Variants in SLC6A9 observed in about 807,000 individuals in gnomAD.
The protein encoded by SLC6A9 is solute carrier family 6 member 9.
Under a neutral mutation model 70.9 loss-of-function variants are expected in SLC6A9, and 31 were observed. That is an observed-to-expected ratio of 0.44 (90% CI 0.33 to 0.59). The LOEUF (loss-of-function observed/expected upper bound fraction) is 0.59, where lower values mean the gene tolerates loss of function less well. SLC6A9 is among the 20% of genes least tolerant of loss of function. The pLI is 0.04. For missense variants in SLC6A9, 631 were observed against 845.2 expected (o/e 0.75, Z 3.14); for synonymous variants, 310 against 341.3 (o/e 0.91, Z 1.01).
chr1:44,029,415 C>G (rs2087050236), intron 1 of SLC6A9, among the ~76,000 whole-genome samples: 1 of 152,206 alleles, frequency 6.6e-6, no homozygotes, highest in African/African-American at 2.4e-5. Context: ...CATCTGCCGC[C>G]ACGTGAGACT....
At chr1:44,029,463 G>T (rs1358503927) in intron 1 of SLC6A9, among the ~76,000 whole-genome samples, 2 of 152,150 alleles carry the variant, frequency 1.3e-5, no homozygotes, top group African/African-American at 2.4e-5. Flanking sequence ...TCATGCCTTT[G>T]CCCCGGCACC....
In SLC6A9 at chr1:44,001,433, A is replaced by G; in HGVS notation, c.1157T>C (p.Leu386Pro). ...CAGGATAAGCATGAAGAAGAAGAGC[A>G]GAGACCACAGCGGGGAGATGGGAAG... ...TLLPISPLWSLLFFFMLILLG... is the reference protein window; with the variant it reads ...TLLPISPLWSPLFFFMLILLG... Residue 386 changes from leucine to proline, a missense_variant, in exon 9 of 14, where the codon CTG becomes CCG. Physicochemically the swap from Leu to Pro is moderately conservative, Grantham distance 98. Coordinates refer to ENST00000372310, the MANE Select transcript of SLC6A9 (RefSeq NM_001024845.3). 1 of 1,614,110 alleles carries G rather than the reference A, an allele frequency of 6.2e-7. No individual in the cohort carries two copies. Among genetic ancestry groups the G allele is most frequent in the Non-Finnish European group, 8.5e-7 (1 of 1,179,960 alleles).
intron 2 of SLC6A9, among the ~76,000 whole-genome samples, chr1:44,019,256 G>A (rs577773463): frequency 6.6e-6 from 1 of 152,346 alleles, no homozygotes; most frequent in Non-Finnish European, 1.5e-5. Context: ...ACCTAGTATG[G>A]TACAAGTTAA....
In SLC6A9 at chr1:44,014,968, A is replaced by G. The variant is rs1260237751; in HGVS notation, c.31-4086T>C. 6 of 152,284 alleles carry G rather than the reference A, an allele frequency of 3.9e-5. No homozygotes were observed. In the South Asian group the frequency reaches 1.2e-3, roughly 32 times the overall value. 9.4% of individuals were successfully genotyped at this position (152,284 alleles called of 1,614,324 possible). A position where few individuals can be genotyped will look rare whatever the true frequency, so the allele number is the denominator to read the frequency against. ...GATCTGCCAGATTCCCAGGCTAGAT[A>G]GCCTCTGTAGCTACTCATATTCCAT... On this transcript the variant is annotated intron_variant, in intron 2 of 13. Coordinates refer to ENST00000372310, the MANE Select transcript of SLC6A9 (RefSeq NM_001024845.3).
intron 1 of SLC6A9, among the ~76,000 whole-genome samples, chr1:44,027,872 G>T (rs895745754): frequency 2.6e-5 from 4 of 152,204 alleles, no homozygotes; most frequent in African/African-American, 9.7e-5. Flanking sequence ...CTACTTGGGA[G>T]GCTGAGGCAG....
intron 2 of SLC6A9, among the ~76,000 whole-genome samples, chr1:44,011,119 C>G (rs368899789): frequency 2.6e-5 from 4 of 152,218 alleles, no homozygotes; most frequent in Non-Finnish European, 5.9e-5. Context: ...GCCAGGTGCA[C>G]AGCCCACCTG....
intron 5 of SLC6A9, among the ~76,000 whole-genome samples, chr1:44,004,325 A>G (rs2086235570): frequency 6.6e-6 from 1 of 150,734 alleles, no homozygotes; most frequent in African/African-American, 2.4e-5. Flanking sequence ...TTGTCTAACC[A>G]TATATGCTAA....
In SLC6A9 at chr1:44,022,714, C is replaced by T. The variant is rs146859194; in HGVS notation, c.30+1534G>A. Among the ~76,000 whole-genome samples the T allele has an allele frequency of 1.3e-4, 10 of 79,522 alleles. 1 individual carries two copies. The African/African-American group carries it at 2.0e-3, about 16-fold the overall frequency. The allele number at this position is 79,522 out of a possible 152,430, so 52.2% of individuals were successfully genotyped here. On this transcript the variant is annotated intron_variant, in intron 2 of 13. Transcript: ENST00000372310. ...TTTTTTAATTTTTCTTTCTTTCTTT[C>T]TTTCTTTCTTTTTTTTTTTTTTGAG...
rs1156967557 is a variant in SLC6A9, at chr1:44,000,827, T to C, written c.1476A>G (p.Gly492=). Residue 492 remains glycine (G), a synonymous_variant, in exon 12 of 14, where the codon GGA becomes GGG. Coordinates refer to ENST00000372310, the MANE Select transcript of SLC6A9 (RefSeq NM_001024845.3). The stretch of plus-strand genomic sequence containing the variant: ...TCTGAAAGAAGAGGGGTGGTGGGAA[T>C]CCCAGCATCATCTGGATGTCCTGGA... The part of the protein sequence containing the change: ...NYFQDIQMML[G]FPPPLFFQIC... 2 of 1,612,098 alleles carry C rather than the reference T, an allele frequency of 1.2e-6. No homozygotes were observed. Among genetic ancestry groups the C allele is most frequent in the South Asian group, 1.1e-5 (1 of 90,788 alleles).
intron 2 of SLC6A9, among the ~76,000 whole-genome samples, chr1:44,016,096 G>A (rs1237015401): frequency 6.6e-6 from 1 of 152,232 alleles, no homozygotes; most frequent in Admixed American, 6.5e-5. Flanking sequence ...GGCACCCCCA[G>A]GCATGCCGGG....
chr1:43,998,985 G>C lies in SLC6A9; in HGVS notation c.1537-960C>G, dbSNP rs950844522. Among the ~76,000 whole-genome samples the C allele has an allele frequency of 2.6e-5, 4 of 151,558 alleles. No homozygotes were observed. In the East Asian group the frequency reaches 5.9e-4, roughly 22 times the overall value. On this transcript the variant is annotated intron_variant, in intron 12 of 13. Transcript: ENST00000372310. ...ACCCAGAGGGCCTGGCGGGGGAAGG[G>C]GGGGGGCAGTCCCAGCACCCTCCTC...
chr1:44,024,229 G>A lies in SLC6A9; in HGVS notation c.30+19C>T, dbSNP rs1419385397. On this transcript the variant is annotated intron_variant, in intron 2 of 13. Coordinates refer to ENST00000372310, the MANE Select transcript of SLC6A9 (RefSeq NM_001024845.3). The stretch of plus-strand genomic sequence containing the variant: ...CTTGGGACTCCCGTTCCTTCCCGCA[G>A]TCTGGCCTCTGTACTCACCAGCATC... 6.2e-7 allele frequency: 1 copy of A among 1,613,528 alleles called. No homozygotes were observed. The highest frequency in any genetic ancestry group is 8.5e-7 in the Non-Finnish European group (1 of 1,179,518).
chr1:44,024,249 A>G lies in SLC6A9; in HGVS notation c.29T>C (p.Leu10Pro). 1 of 1,614,220 alleles carries G rather than the reference A, an allele frequency of 6.2e-7. No individual in the cohort carries two copies. MVGKGAKGM[L>P]NGAVPSEATK... ...CCGCAGTCTGGCCTCTGTACTCACC[A>G]GCATCCCTTTGGCACCTTTTCCTAC... is the stretch of plus-strand genomic sequence containing the variant. Residue 10 changes from leucine to proline, a missense_variant and splice_region_variant, in exon 2 of 14, where the codon CTG becomes CCG. By Grantham distance (98) the Leu-to-Pro change is moderately conservative. Coordinates refer to ENST00000372310, the MANE Select transcript of SLC6A9 (RefSeq NM_001024845.3).
intron 5 of SLC6A9, among the ~76,000 whole-genome samples, chr1:44,003,572 T>C (rs1479055860): frequency 6.6e-6 from 1 of 151,818 alleles, no homozygotes; most frequent in Admixed American, 6.6e-5. Flanking sequence ...GCCTGGCCAA[T>C]ATGGTGAAAC....
chr1:44,024,252 A>G lies in SLC6A9; in HGVS notation c.26T>C (p.Met9Thr). ...CAGTCTGGCCTCTGTACTCACCAGC[A>G]TCCCTTTGGCACCTTTTCCTACCAT... MVGKGAKG[M>T]LNGAVPSEAT... The change falls in exon 2 of 14, where the codon ATG becomes ACG. Residue 9 changes from methionine to threonine, a missense_variant. Coordinates refer to ENST00000372310, the MANE Select transcript of SLC6A9 (RefSeq NM_001024845.3). 5 of 1,614,232 alleles carry G rather than the reference A, an allele frequency of 3.1e-6. No homozygotes were observed. The highest frequency in any genetic ancestry group is 4.2e-6 in the Non-Finnish European group (5 of 1,180,032).
intron 1 of SLC6A9, among the ~76,000 whole-genome samples, chr1:44,028,654 C>T (rs544990278): frequency 6.6e-6 from 1 of 152,274 alleles, no homozygotes; most frequent in Non-Finnish European, 1.5e-5. Context: ...GCTCAGGAGG[C>T]TGAGTCATGA....
intron 1 of SLC6A9, among the ~76,000 whole-genome samples, chr1:44,029,930 T>C (rs554987029): frequency 6.6e-6 from 1 of 152,238 alleles, no homozygotes; most frequent in East Asian, 1.9e-4. Context: ...CTTTCCCCAC[T>C]CCTCGCCCTG....
rs567124301 is a variant in SLC6A9 at position 44,026,424 on chromosome 1, C to T, written c.-85-2062G>A. Among the ~76,000 whole-genome samples the T allele has an allele frequency of 6.6e-5, 10 of 152,164 alleles. 1 individual carries two copies. In the South Asian group the frequency reaches 2.1e-3, roughly 32 times the overall value. On this transcript the variant is annotated intron_variant, in intron 1 of 13. Transcript: ENST00000372310. ...CTGTAATCCCAGCACTTTGGGAGGC[C>T]GAGGCGGGCGGATCACCTGAGGTCA...
chr1:44,009,542 T>C (rs943318898), intron 4 of SLC6A9, among the ~76,000 whole-genome samples: 2 of 152,186 alleles, frequency 1.3e-5, no homozygotes, highest in Non-Finnish European at 2.9e-5. Flanking sequence ...TTTCTCCATG[T>C]TGGTCAGGCT....
Sources: allele counts gnomAD v4.1 joint callset (sites outside exome capture counted in the v4.1 genomes callset), GRCh38; gene constraint gnomAD v4.1.1; transcripts MANE v1.5; gene names NCBI Gene and HGNC (gene_info 2026-07-23, HGNC 2026-07-21).